Variants in PPARGC1B observed in about 807,000 individuals in gnomAD.
The protein encoded by PPARGC1B is PPARG coactivator 1 beta.
PPARGC1B carries 34 observed loss-of-function variants against 101.6 expected under a neutral mutation model. The observed-to-expected ratio is 0.33, with a 90% CI of 0.25 to 0.45. The LOEUF is 0.45. PPARGC1B is among the 20% of genes least tolerant of loss of function. The probability of loss-of-function intolerance (pLI) is 1.00; values close to 1 mark genes in which losing one functional copy is unlikely to be tolerated. For missense variants in PPARGC1B, 1,234 were observed against 1,317.6 expected (o/e 0.94, Z 0.98); for synonymous variants, 548 against 539.3 (o/e 1.02, Z -0.22).
chr5:149,856,438 C>T (rs1284104641), downstream of PPARGC1B, among the ~76,000 whole-genome samples: 1 of 152,132 alleles, frequency 6.6e-6, no homozygotes, highest in Admixed American at 6.6e-5. Context: ...AACAGGCCTG[C>T]CTTTCCGTTC....
At chr5:149,846,186 C>T in intron 11 of PPARGC1B, 2 of 578,194 alleles carry the variant, frequency 3.5e-6, no homozygotes, top group South Asian at 4.7e-5. Context: ...GTCATGTGCA[C>T]AGCCAGCTGG....
chr5:149,840,201 G>A (rs1251486314), intron 9 of PPARGC1B, 85 bp downstream of exon 9: 1 of 1,343,478 alleles, frequency 7.4e-7, no homozygotes, highest in Non-Finnish European at 1.0e-6. Flanking sequence ...AGCCTTTTGA[G>A]GCTGGCTGGT....
intron 3 of PPARGC1B, among the ~76,000 whole-genome samples, chr5:149,828,757 C>T (rs935298091): frequency 9.2e-5 from 14 of 152,178 alleles, no homozygotes; most frequent in Admixed American, 9.2e-4. Context: ...TCTGGAAGGG[C>T]CCTGAGGGAC....
chr5:149,843,421 A>G (rs1759428137), intron 10 of PPARGC1B, among the ~76,000 whole-genome samples: 1 of 152,228 alleles, frequency 6.6e-6, no homozygotes, highest in African/African-American at 2.4e-5. Context: ...CAGCAAGAAA[A>G]GAGTTTCTGG....
intron 1 of PPARGC1B, among the ~76,000 whole-genome samples, chr5:149,762,374 T>C (rs1179785861): frequency 1.3e-5 from 2 of 152,282 alleles, no homozygotes; most frequent in East Asian, 3.9e-4. Flanking sequence ...ATCAAACTCC[T>C]GACCTCAAGT....
chr5:149,805,396 C>G (rs1184405610), intron 1 of PPARGC1B, among the ~76,000 whole-genome samples: 1 of 152,180 alleles, frequency 6.6e-6, no homozygotes, highest in Non-Finnish European at 1.5e-5. Flanking sequence ...ATACATCACC[C>G]TACTTCTAAT....
intron 1 of PPARGC1B, among the ~76,000 whole-genome samples, chr5:149,757,347 C>CG (rs1755569700): frequency 6.6e-5 from 8 of 121,738 alleles, no homozygotes; most frequent in Admixed American, 3.9e-4. Context: ...TGTGTTTGAG[C>CG]ATTTTTTTTT....
chr5:149,821,242 A>T (rs951667828), intron 2 of PPARGC1B, among the ~76,000 whole-genome samples: 1 of 152,206 alleles, frequency 6.6e-6, no homozygotes, highest in African/African-American at 2.4e-5. Flanking sequence ...TGGAGCCTAG[A>T]GGTTCTTTAA....
At chr5:149,815,212 T>G (rs998839574) in intron 1 of PPARGC1B, among the ~76,000 whole-genome samples, 1 of 152,146 alleles carries the variant, frequency 6.6e-6, no homozygotes, top group African/African-American at 2.4e-5. Context: ...GCTGAAGCCC[T>G]AAACCCCCAG....
chr5:149,839,107 A>T (rs1759227763), intron 8 of PPARGC1B, among the ~76,000 whole-genome samples: 1 of 152,244 alleles, frequency 6.6e-6, no homozygotes, highest in African/African-American at 2.4e-5. Flanking sequence ...ATAGATGAGG[A>T]AGCTGAGGCT....
chr5:149,847,326 C>T, intron 11 of PPARGC1B, 132 bp from the exon 12 acceptor site: 1 of 793,216 alleles, frequency 1.3e-6, no homozygotes, highest in Non-Finnish European at 2.3e-6. Context: ...AGCGCTCATC[C>T]CAGCTCCCCA....
intron 1 of PPARGC1B, among the ~76,000 whole-genome samples, chr5:149,769,272 T>C (rs1022187342): frequency 6.6e-6 from 1 of 152,234 alleles, no homozygotes; most frequent in African/African-American, 2.4e-5. Flanking sequence ...CTTTGCTTAC[T>C]TGCCCACCAC....
At position 149,832,953 on chromosome 5, in the gene PPARGC1B, A is replaced by C. The variant is rs759082558; in HGVS notation, c.880A>C (p.Met294Leu). The change falls in exon 5 of 12, where the codon ATG (methionine) becomes CTG (leucine). Residue 294 changes from methionine (M) to leucine (L), a missense_variant. This residue lies in a region of PPARGC1B where 734 missense variants were observed against 768.4 expected (regional missense o/e 0.96). Transcript: ENST00000309241. This position sits in a 1 kb window ranked among gnomAD's most constrained non-coding sequence, Gnocchi z 4.9. ...MQAMVQLIRY[M>L]HTYCLPQRKL... is the part of the protein sequence containing the mutation. ...GGCGATGGTGCAACTCATACGCTAC[A>C]TGCACACCTACTGCCTCCCCCAGAG... 1.2e-6 allele frequency: 2 copies of C among 1,613,022 alleles called. No individual in the cohort carries two copies. Among genetic ancestry groups the C allele is most frequent in the African/African-American group, 2.7e-5 (2 of 74,868 alleles).
At position 149,750,453 on chromosome 5, in the gene PPARGC1B, A is replaced by AATATATATATATATATATAT. The variant is rs55971526; in HGVS notation, c.78+20050_78+20069dup. 3.3e-3 allele frequency among the ~76,000 whole-genome samples: 406 copies of AATATATATATATATATATAT among 123,026 alleles called. 5 individuals are homozygous for AATATATATATATATATATAT. The highest frequency in any genetic ancestry group is 3.9e-3 in the African/African-American group (126 of 32,016). 80.7% of individuals were successfully genotyped at this position (123,026 alleles called of 152,430 possible). A position where few individuals can be genotyped will look rare whatever the true frequency, so the allele number is the denominator to read the frequency against. ...TAGCTGTCTTCTCTGTTTTAGTTAA[A>AATATATATATATATATATAT]ATATATATATATATATATATATATA... On this transcript the variant is annotated intron_variant, in intron 1 of 11. Transcript: ENST00000309241.
At chr5:149,736,764 A>T (rs556602381) in intron 1 of PPARGC1B, among the ~76,000 whole-genome samples, 117 of 151,808 alleles carry the variant, frequency 7.7e-4, no homozygotes, top group Admixed American at 2.1e-3. Context: ...TTTTTCTTTT[A>T]AGACTTTATT....
intron 1 of PPARGC1B, among the ~76,000 whole-genome samples, chr5:149,739,387 T>C (rs1264526495): frequency 2.0e-5 from 3 of 152,056 alleles, no homozygotes; most frequent in Non-Finnish European, 4.4e-5. Flanking sequence ...TGCAGGGAGG[T>C]TAGGTCAGTT....
chr5:149,753,919 C>G (rs1755412834), intron 1 of PPARGC1B, among the ~76,000 whole-genome samples: 2 of 152,204 alleles, frequency 1.3e-5, no homozygotes. Flanking sequence ...GTCTCGAACT[C>G]CTGACCTCAG....
chr5:149,782,600 C>T (rs1756635740), intron 1 of PPARGC1B, among the ~76,000 whole-genome samples: 1 of 152,336 alleles, frequency 6.6e-6, no homozygotes, highest in Admixed American at 6.5e-5. Flanking sequence ...AGCAGCTGAG[C>T]TGGATATCTG....
chr5:149,831,326 G>A (rs1439589542), intron 4 of PPARGC1B, among the ~76,000 whole-genome samples: 2 of 152,096 alleles, frequency 1.3e-5, no homozygotes, highest in African/African-American at 4.8e-5. Flanking sequence ...TTTCCTCCTT[G>A]AGCCCCATCT....
Sources: allele counts gnomAD v4.1 joint callset (sites outside exome capture counted in the v4.1 genomes callset), GRCh38; gene constraint gnomAD v4.1.1; regional missense constraint gnomAD v4.1.1; non-coding constraint Gnocchi (gnomAD v3.1); transcripts MANE v1.5; gene names NCBI Gene and HGNC (gene_info 2026-07-23, HGNC 2026-07-21).